SFMBT2: variants seen among roughly 807,000 people sequenced by gnomAD.
SFMBT2 encodes the protein scm-like with four MBT domains protein 2.
A neutral mutation model predicts 110.1 loss-of-function variants in SFMBT2; 38 were observed. The ratio of observed to expected loss-of-function variants is 0.35; its 90% CI spans 0.27 to 0.45. SFMBT2 has a LOEUF of 0.45. SFMBT2 is among the 20% of genes least tolerant of loss of function. The probability of loss-of-function intolerance (pLI) is 1.00; values close to 1 mark genes in which losing one functional copy is unlikely to be tolerated. For synonymous variants in SFMBT2, 425 were observed against 425.4 expected (o/e 1.00, Z 0.01); for missense variants, 1,011 against 1,094.9 (o/e 0.92, Z 1.08).
chr10:7,236,017 A>C, intron 9 of SFMBT2, among the ~76,000 whole-genome samples: 1 of 152,170 alleles, frequency 6.6e-6, no homozygotes. Flanking sequence ...CACAAAAGTC[A>C]TATCTTACAC....
chr10:7,350,394 TACCAGGTGTG>T (rs1844273499), intron 4 of SFMBT2, among the ~76,000 whole-genome samples: 1 of 152,072 alleles, frequency 6.6e-6, no homozygotes, highest in African/African-American at 2.4e-5. Flanking sequence ...ATATCTGAAC[TACCAGGTGTG>T]ACCCCACCCA....
At chr10:7,281,051 A>T in intron 6 of SFMBT2, among the ~76,000 whole-genome samples, 1 of 152,166 alleles carries the variant, frequency 6.6e-6, no homozygotes, top group Admixed American at 6.6e-5. Context: ...GCCCAGCCTG[A>T]GCAACATAGT....
intron 4 of SFMBT2, among the ~76,000 whole-genome samples, chr10:7,363,116 T>C (rs973442084): frequency 6.6e-6 from 1 of 152,102 alleles, no homozygotes; most frequent in Non-Finnish European, 1.5e-5. Context: ...ATTCCCCACA[T>C]GTTGTGGGAG....
intron 1 of SFMBT2, among the ~76,000 whole-genome samples, chr10:7,384,238 A>AAAAAAAAAAAAAAAT (rs1554812962): frequency 2.3e-4 from 33 of 145,502 alleles, no homozygotes; most frequent in Middle Eastern, 3.6e-3. Flanking sequence ...AAAAAAAAAA[A>AAAAAAAAAAAAAAAT]CAACCACAGA....
Position 7,172,185 on chromosome 10 carries a change from G to T in SFMBT2, c.2152-27C>A. The T allele has an allele frequency of 6.6e-7, 1 of 1,526,256 alleles. No homozygotes were observed. The highest frequency in any genetic ancestry group is 8.8e-7 in the Non-Finnish European group (1 of 1,136,056). 94.5% of individuals were successfully genotyped at this position (1,526,256 alleles called of 1,614,324 possible). ...TGGGAAGGAGGAAAAGGCATTTAAGGGGCTGGTGGCCCGGGGGCCTGTAGC... is the reference window on the plus strand; with the variant it reads ...TGGGAAGGAGGAAAAGGCATTTAAGTGGCTGGTGGCCCGGGGGCCTGTAGC... On this transcript the variant is annotated intron_variant, in intron 18 of 20. Transcript: ENST00000397167. This position sits in a 1 kb window ranked among gnomAD's most constrained non-coding sequence, Gnocchi z 4.6.
intron 4 of SFMBT2, chr10:7,348,082 A>G: frequency 2.4e-6 from 1 of 413,218 alleles, no homozygotes; most frequent in Non-Finnish European, 4.3e-6. Context: ...TACACCCGGC[A>G]TATAAATCAT....
In SFMBT2 at chr10:7,194,235, C is replaced by T. The variant is rs7070362; in HGVS notation, c.1698+3313G>A. ...TTCTCCCAGGTCCCCTACCTCCCCT[C>T]GCTGCACCCCCTCGAATTGAGGCCA... is the stretch of plus-strand genomic sequence containing the variant. On this transcript the variant is annotated intron_variant, in intron 15 of 20. Transcript: ENST00000397167. Among the ~76,000 whole-genome samples the T allele has an allele frequency of 6.0e-3, 914 of 152,290 alleles. 13 individuals are homozygous for T. The highest frequency in any genetic ancestry group is 0.021 in the African/African-American group (854 of 41,542).
At chr10:7,379,552 A>G (rs911115139) in intron 2 of SFMBT2, among the ~76,000 whole-genome samples, 1 of 152,176 alleles carries the variant, frequency 6.6e-6, no homozygotes, top group Non-Finnish European at 1.5e-5. Context: ...TGTCCTCTTT[A>G]AAGAGTCTGT....
chr10:7,305,203 AG>A (rs1255871004), intron 4 of SFMBT2, among the ~76,000 whole-genome samples: 12 of 152,244 alleles, frequency 7.9e-5, no homozygotes, highest in African/African-American at 1.2e-4. Flanking sequence ...ACAATTAGGG[AG>A]GCGACATCAC....
At chr10:7,230,525 G>A (rs750192199) in intron 9 of SFMBT2, among the ~76,000 whole-genome samples, 104 of 152,352 alleles carry the variant, frequency 6.8e-4, no homozygotes, top group Non-Finnish European at 1.4e-3. Context: ...GCCTGGAACT[G>A]GAGAAGAGGG....
At chr10:7,234,640 G>A (rs1376261963) in intron 9 of SFMBT2, among the ~76,000 whole-genome samples, 1 of 152,180 alleles carries the variant, frequency 6.6e-6, no homozygotes, top group Non-Finnish European at 1.5e-5. Flanking sequence ...GAATGAATCA[G>A]AAAGCTAGAA....
intron 4 of SFMBT2, among the ~76,000 whole-genome samples, chr10:7,332,914 G>A (rs1219716525): frequency 3.3e-5 from 5 of 152,004 alleles, no homozygotes; most frequent in East Asian, 1.9e-4. Context: ...TTGCCTAGGC[G>A]GGAGTGCAGT....
chr10:7,311,819 C>T (rs1328595553), intron 4 of SFMBT2, among the ~76,000 whole-genome samples: 5 of 152,114 alleles, frequency 3.3e-5, no homozygotes, highest in African/African-American at 9.7e-5. Flanking sequence ...ATTGAAGTGC[C>T]GGAGTTAGTG....
intron 20 of SFMBT2, among the ~76,000 whole-genome samples, chr10:7,167,814 GTCTA>G (rs1228915727): frequency 1.3e-5 from 2 of 152,164 alleles, no homozygotes; most frequent in East Asian, 1.9e-4. Flanking sequence ...ATCAATGAAA[GTCTA>G]TCTATTTTTC....
At chr10:7,240,136 C>T (rs1222311856) in intron 9 of SFMBT2, among the ~76,000 whole-genome samples, 3 of 152,142 alleles carry the variant, frequency 2.0e-5, no homozygotes, top group African/African-American at 7.2e-5. Flanking sequence ...CTACCTTCAT[C>T]CCTTATGCCA....
At chr10:7,199,485 G>T (rs12245006) in intron 14 of SFMBT2, among the ~76,000 whole-genome samples, 2 of 152,140 alleles carry the variant, frequency 1.3e-5, no homozygotes, top group South Asian at 2.1e-4. Context: ...AACCAGCAGA[G>T]GTAGGAAGCA....
chr10:7,288,779 C>T (rs1219111493), intron 4 of SFMBT2, among the ~76,000 whole-genome samples: 2 of 151,950 alleles, frequency 1.3e-5, no homozygotes, highest in Non-Finnish European at 2.9e-5. Context: ...ACCTGCAATC[C>T]CAGCACTTTG....
In SFMBT2 at chr10:7,182,542, A is replaced by C. The variant is rs184047886; in HGVS notation, c.1808+6082T>G. On this transcript the variant is annotated intron_variant, in intron 16 of 20. Transcript: ENST00000397167. ...CCATGGACTACTATGCAGCCATAAA[A>C]AATGATGAGTTCATGTCCTTGGTAG... Among the ~76,000 whole-genome samples, 306 of 152,264 alleles carry C rather than the reference A, an allele frequency of 2.0e-3. 1 individual carries two copies. Among genetic ancestry groups the C allele is most frequent in the Non-Finnish European group, 3.6e-3 (243 of 68,028 alleles).
chr10:7,176,561 A>C (rs780545322), intron 16 of SFMBT2: 1 of 936,436 alleles, frequency 1.1e-6, no homozygotes, highest in Non-Finnish European at 1.3e-6. Flanking sequence ...ATGTGAGTGC[A>C]TATGGGATCA....
Sources: allele counts gnomAD v4.1 joint callset (sites outside exome capture counted in the v4.1 genomes callset), GRCh38; gene constraint gnomAD v4.1.1; non-coding constraint Gnocchi (gnomAD v3.1); transcripts MANE v1.5; gene names NCBI Gene and HGNC (gene_info 2026-07-23, HGNC 2026-07-21).